GATAD2B: variants seen among roughly 807,000 people sequenced by gnomAD.
GATAD2B encodes GATA zinc finger domain containing 2B.
GATAD2B carries 8 observed loss-of-function variants against 64.3 expected under a neutral mutation model. The observed-to-expected ratio is 0.12, with a 90% CI of 0.07 to 0.22. The LOEUF is 0.22. GATAD2B is among the 10% of genes least tolerant of loss of function. The pLI, the probability that GATAD2B is intolerant of heterozygous loss-of-function variation, is 1.00. For missense variants in GATAD2B, 453 were observed against 752.0 expected (o/e 0.60, Z 4.65); for synonymous variants, 281 against 271.3 (o/e 1.04, Z -0.35).
At chr1:153,845,892 ACCATTG>A (rs1366358233) in intron 1 of GATAD2B, among the ~76,000 whole-genome samples, 2 of 151,828 alleles carry the variant, frequency 1.3e-5, no homozygotes, top group African/African-American at 4.8e-5. Context: ...CCATGATTGC[ACCATTG>A]TACTCCACTG....
At position 153,852,593 on chromosome 1, in the gene GATAD2B, C is replaced by G; in HGVS notation, c.-1-24245G>C. On this transcript the variant is annotated intron_variant, in intron 1 of 10. Coordinates refer to ENST00000368655, the MANE Select transcript of GATAD2B (RefSeq NM_020699.4). ...GCTTATCCTGAGCATCCTGAATTTT[C>G]TGATTGGCACTATGCACACTCTTCC... 3 of 778,934 alleles carry G rather than the reference C, an allele frequency of 3.9e-6. No homozygotes were observed. In the Admixed American group the frequency reaches 5.1e-5, roughly 13 times the overall value. 48.3% of individuals were successfully genotyped at this position (778,934 alleles called of 1,614,324 possible). A position where few individuals can be genotyped will look rare whatever the true frequency, so the allele number is the denominator to read the frequency against.
chr1:153,817,313 C>CA, intron 6 of GATAD2B, 59 bp downstream of exon 6: 2 of 1,437,388 alleles, frequency 1.4e-6, no homozygotes, highest in Non-Finnish European at 1.8e-6. Flanking sequence ...GCCCTTTCGA[C>CA]AAGCAAAGCA....
At chr1:153,903,920 G>A (rs1374574127) in intron 1 of GATAD2B, among the ~76,000 whole-genome samples, 1 of 152,126 alleles carries the variant, frequency 6.6e-6, no homozygotes, top group East Asian at 1.9e-4. Flanking sequence ...GGAAGTGAAG[G>A]CTGCAGTGAG....
At chr1:153,817,345 C>G (rs746936571) in intron 6 of GATAD2B, 27 bp downstream of exon 6, 1 of 1,486,036 alleles carries the variant, frequency 6.7e-7, no homozygotes, top group Non-Finnish European at 9.0e-7. Flanking sequence ...TTCTCTGTTT[C>G]CACATTAGGG....
intron 1 of GATAD2B, among the ~76,000 whole-genome samples, chr1:153,910,024 C>T (rs1481401913): frequency 3.4e-5 from 5 of 149,174 alleles, no homozygotes; most frequent in African/African-American, 1.2e-4. Context: ...CTGAGGCAGG[C>T]GAATTGCTTG....
intron 1 of GATAD2B, among the ~76,000 whole-genome samples, chr1:153,877,634 T>C (rs760058054): frequency 6.6e-6 from 1 of 152,056 alleles, no homozygotes; most frequent in Non-Finnish European, 1.5e-5. Context: ...TCCCAGCACT[T>C]TGGGAGGCTG....
chr1:153,899,757 A>C (rs1008754297), intron 1 of GATAD2B, among the ~76,000 whole-genome samples: 1 of 152,116 alleles, frequency 6.6e-6, no homozygotes, highest in African/African-American at 2.4e-5. Context: ...ACTTCTCTCA[A>C]GTTTACATTT....
At chr1:153,827,386 T>C (rs936204798) in intron 2 of GATAD2B, among the ~76,000 whole-genome samples, 1 of 151,922 alleles carries the variant, frequency 6.6e-6, no homozygotes, top group Admixed American at 6.6e-5. Flanking sequence ...CCTTACTGTG[T>C]GCTCTACAGT....
At chr1:153,917,473 C>T (rs1392154693) in intron 1 of GATAD2B, among the ~76,000 whole-genome samples, 1 of 151,776 alleles carries the variant, frequency 6.6e-6, no homozygotes, top group Non-Finnish European at 1.5e-5. Context: ...CGACTCACTG[C>T]AACCTCCACC....
intron 1 of GATAD2B, among the ~76,000 whole-genome samples, chr1:153,869,526 C>A (rs1321954281): frequency 6.6e-6 from 1 of 152,100 alleles, no homozygotes; most frequent in African/African-American, 2.4e-5. Flanking sequence ...TTGAAAGCTC[C>A]TTCAAGCTGG....
intron 1 of GATAD2B, among the ~76,000 whole-genome samples, chr1:153,904,812 T>C (rs1677877662): frequency 6.6e-6 from 1 of 152,074 alleles, no homozygotes; most frequent in Non-Finnish European, 1.5e-5. Context: ...CTTCAAGCAA[T>C]TCTCCTGCCT....
At chr1:153,887,882 T>C (rs894341956) in intron 1 of GATAD2B, among the ~76,000 whole-genome samples, 1 of 151,436 alleles carries the variant, frequency 6.6e-6, no homozygotes, top group African/African-American at 2.4e-5. Flanking sequence ...AGGACAGGAG[T>C]TGGAAACCAC....
chr1:153,844,694 T>C (rs998867360), intron 1 of GATAD2B, among the ~76,000 whole-genome samples: 13 of 134,696 alleles, frequency 9.7e-5, no homozygotes, highest in Non-Finnish European at 2.0e-4. Context: ...TTCTCACTCA[T>C]AGGTGGGAAT....
In GATAD2B at chr1:153,817,036, AAAAC is replaced by A. The variant is rs746633066; in HGVS notation, c.900+332_900+335del. Among the ~76,000 whole-genome samples, 33 of 152,278 alleles carry A rather than the reference AAAAC, an allele frequency of 2.2e-4. 1 individual carries two copies. Among genetic ancestry groups the A allele is most frequent in the South Asian group, 6.2e-4 (3 of 4,826 alleles). On this transcript the variant is annotated intron_variant, in intron 6 of 10. Transcript: ENST00000368655. The stretch of plus-strand genomic sequence containing the variant: ...GCAACACAGTGAGATTCCAGCTCAA[AAAAC>A]AAACAAACAAACAAACAAAAAAGAG...
chr1:153,918,925 T>C (rs1678347089), intron 1 of GATAD2B, among the ~76,000 whole-genome samples: 1 of 151,954 alleles, frequency 6.6e-6, no homozygotes, highest in African/African-American at 2.4e-5. Context: ...CACTCCAGCC[T>C]GGGCAACAAG....
At chr1:153,840,029 T>C (rs1223938243) in intron 1 of GATAD2B, among the ~76,000 whole-genome samples, 2 of 118,130 alleles carry the variant, frequency 1.7e-5, no homozygotes, top group South Asian at 3.2e-4. Flanking sequence ...ATACTTTCTT[T>C]TTTTTTTTTT....
chr1:153,906,262 T>G (rs1005307516), intron 1 of GATAD2B, among the ~76,000 whole-genome samples: 1 of 151,436 alleles, frequency 6.6e-6, no homozygotes, highest in Non-Finnish European at 1.5e-5. Flanking sequence ...TACTAAAAAA[T>G]ACAAAAATTA....
intron 1 of GATAD2B, among the ~76,000 whole-genome samples, chr1:153,911,095 T>A (rs1487083521): frequency 6.6e-6 from 1 of 152,160 alleles, no homozygotes; most frequent in African/African-American, 2.4e-5. Flanking sequence ...GGAACACAGA[T>A]GTTCCAGGGA....
At chr1:153,912,371 T>C (rs1234611847) in intron 1 of GATAD2B, among the ~76,000 whole-genome samples, 2 of 151,250 alleles carry the variant, frequency 1.3e-5, no homozygotes, top group Non-Finnish European at 2.9e-5. Flanking sequence ...TTTCAAATTC[T>C]CTATACACTC....
Sources: gnomAD v4.1 joint callset for allele counts (sites outside exome capture counted in the v4.1 genomes callset) on GRCh38, gnomAD v4.1.1 for gene constraint, MANE v1.5 for transcripts, NCBI Gene and HGNC (gene_info 2026-07-23, HGNC 2026-07-21) for gene names.